THSD7B: variants seen among roughly 807,000 people sequenced by gnomAD.
THSD7B encodes the protein thrombospondin type-1 domain-containing protein 7B.
A neutral mutation model predicts 213.6 loss-of-function variants in THSD7B; 138 were observed. That is an observed-to-expected ratio of 0.65 (90% CI 0.56 to 0.74). The LOEUF (loss-of-function observed/expected upper bound fraction) is 0.74, where lower values mean the gene tolerates loss of function less well. Ranked by LOEUF, THSD7B falls within the 30% of genes least tolerant of loss-of-function variation. THSD7B has a pLI of 0.00. For synonymous variants in THSD7B, 742 were observed against 687.0 expected, an observed-to-expected ratio of 1.08 and a Z score of -1.25; for missense variants, 1,931 against 1,991.5, an observed-to-expected ratio of 0.97 and a Z score of 0.58.
At chr2:137,505,965 T>G (rs1679824691) in intron 15 of THSD7B, among the ~76,000 whole-genome samples, 1 of 152,104 alleles carries the variant, frequency 6.6e-6, no homozygotes, top group Admixed American at 6.6e-5. Flanking sequence ...TTAGGGGTGA[T>G]TAGGACAGAA....
At chr2:136,984,391 G>A (rs936462124) in intron 2 of THSD7B, among the ~76,000 whole-genome samples, 5 of 152,272 alleles carry the variant, frequency 3.3e-5, no homozygotes, top group East Asian at 1.9e-4. Context: ...AGGAGTTCTC[G>A]CTCAGTTATT....
intron 5 of THSD7B, among the ~76,000 whole-genome samples, chr2:137,117,013 C>T (rs1280858948): frequency 6.6e-6 from 1 of 152,106 alleles, no homozygotes; most frequent in East Asian, 1.9e-4. Context: ...GGATGTGGGA[C>T]CTGGATGTAA....
chr2:137,377,744 A>C (rs1685690832), intron 12 of THSD7B, among the ~76,000 whole-genome samples: 1 of 151,712 alleles, frequency 6.6e-6, no homozygotes, highest in Non-Finnish European at 1.5e-5. Context: ...CTCCTATCTC[A>C]GCCTCCTGAG....
At chr2:136,964,330 CAGG>C (rs1685278681) in intron 2 of THSD7B, among the ~76,000 whole-genome samples, 2 of 152,058 alleles carry the variant, frequency 1.3e-5, no homozygotes, top group African/African-American at 2.4e-5. Context: ...GAGGCTGAGG[CAGG>C]AGGATTGCCC....
At chr2:137,221,076 G>A (rs1380618736) in intron 7 of THSD7B, among the ~76,000 whole-genome samples, 2 of 152,056 alleles carry the variant, frequency 1.3e-5, no homozygotes, top group Non-Finnish European at 2.9e-5. Flanking sequence ...CGAGGCGGGC[G>A]GATCACGAGG....
intron 1 of THSD7B, among the ~76,000 whole-genome samples, chr2:136,841,543 G>A (rs995609955): frequency 4.2e-5 from 6 of 141,570 alleles, no homozygotes; most frequent in African/African-American, 1.6e-4. Flanking sequence ...GTTGCAGTGA[G>A]CCGAGATTGC....
intron 13 of THSD7B, among the ~76,000 whole-genome samples, chr2:137,406,684 T>A (rs1268399687): frequency 2.6e-5 from 4 of 152,214 alleles, no homozygotes; most frequent in African/African-American, 4.8e-5. Context: ...TAAATCACCA[T>A]TATGGATTTA....
intron 15 of THSD7B, among the ~76,000 whole-genome samples, chr2:137,515,227 G>C (rs1205981148): frequency 6.6e-6 from 1 of 152,102 alleles, no homozygotes; most frequent in Non-Finnish European, 1.5e-5. Flanking sequence ...TGTAAACTCT[G>C]GTTAACTTTT....
At chr2:137,428,349 G>T (rs556380835) in intron 14 of THSD7B, among the ~76,000 whole-genome samples, 1 of 152,088 alleles carries the variant, frequency 6.6e-6, no homozygotes, top group Non-Finnish European at 1.5e-5. Context: ...TACATTGCTC[G>T]TGAGAATACA....
At chr2:136,958,055 G>A (rs1196306587) in intron 2 of THSD7B, among the ~76,000 whole-genome samples, 3 of 152,070 alleles carry the variant, frequency 2.0e-5, no homozygotes, top group Non-Finnish European at 1.5e-5. Flanking sequence ...ATTACATCAT[G>A]TTTAATTCAT....
intron 20 of THSD7B, among the ~76,000 whole-genome samples, chr2:137,626,396 G>A (rs552378939): frequency 4.6e-5 from 7 of 151,324 alleles, no homozygotes; most frequent in Admixed American, 2.6e-4. Flanking sequence ...CCCCGGAGGC[G>A]GAGCTTGCAG....
intron 15 of THSD7B, among the ~76,000 whole-genome samples, chr2:137,518,220 C>T (rs181235155): frequency 4.6e-5 from 7 of 152,250 alleles, no homozygotes; most frequent in African/African-American, 1.7e-4. Flanking sequence ...TCCCTATGAT[C>T]AGTTGACAGA....
intron 15 of THSD7B, among the ~76,000 whole-genome samples, chr2:137,513,726 C>A (rs1211127182): frequency 6.6e-6 from 1 of 152,100 alleles, no homozygotes; most frequent in Non-Finnish European, 1.5e-5. Flanking sequence ...GAGCTAGCAC[C>A]GTGAGGATTA....
chr2:136,871,315 T>G (rs868272611), intron 1 of THSD7B, among the ~76,000 whole-genome samples: 64 of 152,268 alleles, frequency 4.2e-4, no homozygotes, highest in Non-Finnish European at 2.8e-4. Flanking sequence ...TATTCCACCA[T>G]GGGACTAAGT....
intron 5 of THSD7B, among the ~76,000 whole-genome samples, chr2:137,137,203 T>C (rs529957686): frequency 8.5e-5 from 13 of 152,324 alleles, no homozygotes; most frequent in African/African-American, 2.9e-4. Flanking sequence ...GTGTATATTT[T>C]GCTGGGTGCC....
At chr2:137,665,368 G>T (rs1420185142) in intron 26 of THSD7B, among the ~76,000 whole-genome samples, 1 of 152,046 alleles carries the variant, frequency 6.6e-6, no homozygotes, top group Admixed American at 6.5e-5. Context: ...ATATGTGTGT[G>T]TGTCTATGTG....
At chr2:137,364,538 C>A (rs555843497) in intron 12 of THSD7B, among the ~76,000 whole-genome samples, 1 of 152,194 alleles carries the variant, frequency 6.6e-6, no homozygotes, top group Non-Finnish European at 1.5e-5. Flanking sequence ...TAAGCAAGTT[C>A]AGCAAAGTCT....
At chr2:136,856,712 C>T (rs915424178) in intron 1 of THSD7B, among the ~76,000 whole-genome samples, 6 of 152,086 alleles carry the variant, frequency 3.9e-5, no homozygotes, top group Admixed American at 3.9e-4. Context: ...GATGGGGTTT[C>T]ACCATGTTGG....
At chr2:137,022,754 G>A (rs892911870) in intron 2 of THSD7B, among the ~76,000 whole-genome samples, 2 of 152,102 alleles carry the variant, frequency 1.3e-5, no homozygotes, top group African/African-American at 2.4e-5. Context: ...GCTCAGGATG[G>A]AGAGCCTTGT....
Sources: allele counts gnomAD v4.1 joint callset (sites outside exome capture counted in the v4.1 genomes callset), GRCh38; gene constraint gnomAD v4.1.1; transcripts MANE v1.5; gene names NCBI Gene and HGNC (gene_info 2026-07-23, HGNC 2026-07-21).